The following FHAD1 variants were observed in gnomAD, a reference collection of about 807,000 sequenced individuals.
FHAD1 encodes forkhead associated phosphopeptide binding domain 1, also known as forkhead-associated domain-containing protein 1.
Under a neutral mutation model 191.3 loss-of-function variants are expected in FHAD1, and 146 were observed. The ratio of observed to expected loss-of-function variants is 0.76; its 90% CI spans 0.67 to 0.88. FHAD1 has a LOEUF of 0.88. Ranked by LOEUF, FHAD1 falls within the 40% of genes least tolerant of loss-of-function variation. FHAD1 has a pLI of 0.00. For synonymous variants in FHAD1, 616 were observed against 672.3 expected (o/e 0.92, Z 1.29); for missense variants, 1,635 against 1,785.8 (o/e 0.92, Z 1.52).
intron 26 of FHAD1, among the ~76,000 whole-genome samples, chr1:15,371,431 G>A (rs567240752): frequency 6.6e-6 from 1 of 152,266 alleles, no homozygotes; most frequent in African/African-American, 2.4e-5. Flanking sequence ...TCCTCCTTCG[G>A]GCTCCTTCCT....
At chr1:15,294,639 T>C (rs1666322784) in intron 4 of FHAD1, among the ~76,000 whole-genome samples, 1 of 152,150 alleles carries the variant, frequency 6.6e-6, no homozygotes, top group East Asian at 1.9e-4. Flanking sequence ...GTGATCTGCC[T>C]GCCTCGGCCT....
At chr1:15,267,448 C>T (rs1324869458) in intron 2 of FHAD1, among the ~76,000 whole-genome samples, 1 of 152,076 alleles carries the variant, frequency 6.6e-6, no homozygotes, top group Non-Finnish European at 1.5e-5. Context: ...ATTGGGTATT[C>T]AGGTGATATT....
intron 1 of FHAD1, among the ~76,000 whole-genome samples, chr1:15,240,608 G>A (rs1645230870): frequency 7.1e-6 from 1 of 141,468 alleles, no homozygotes; most frequent in South Asian, 2.3e-4. Flanking sequence ...TCCCAGCCTG[G>A]ACAACAGGAG....
intron 18 of FHAD1, among the ~76,000 whole-genome samples, chr1:15,348,443 C>G (rs574685732): frequency 1.1e-4 from 16 of 152,170 alleles, no homozygotes; most frequent in Non-Finnish European, 1.2e-4. Context: ...AGCTTACCAG[C>G]AAGTAACTTC....
intron 2 of FHAD1, among the ~76,000 whole-genome samples, chr1:15,256,672 AGAG>A (rs1490122954): frequency 1.4e-5 from 2 of 142,442 alleles, no homozygotes; most frequent in African/African-American, 5.1e-5. Flanking sequence ...AAAAAAAAAA[AGAG>A]TGGAGAGCTG....
At chr1:15,253,735 C>T (rs545543242) in intron 2 of FHAD1, among the ~76,000 whole-genome samples, 1 of 152,292 alleles carries the variant, frequency 6.6e-6, no homozygotes, top group South Asian at 2.1e-4. Flanking sequence ...GTTACCATGT[C>T]ATCTGCAAAT....
chr1:15,255,672 T>C (rs944212806), intron 2 of FHAD1, among the ~76,000 whole-genome samples: 1 of 97,486 alleles, frequency 1.0e-5, no homozygotes, highest in Non-Finnish European at 2.3e-5. Context: ...CTGGATGGTT[T>C]CAAGCCTACG....
At position 15,381,185 on chromosome 1, in the gene FHAD1, A is replaced by G. The variant is rs949487740; in HGVS notation, c.3802-46A>G. ...CATTGGCCTCCTTAAAGCGGCCACC[A>G]GCGGCCGCGGGTAATGCCTCTTATG... On this transcript the variant is annotated intron_variant, in intron 29 of 33. Transcript: ENST00000688493. The surrounding 1 kb of genome is among the most constrained non-coding windows in gnomAD (Gnocchi z 4.6). The G allele has an allele frequency of 1.5e-6, 2 of 1,314,500 alleles. No individual in the cohort carries two copies. Among genetic ancestry groups the G allele is most frequent in the African/African-American group, 1.5e-5 (1 of 68,108 alleles). The allele number at this position is 1,314,500 out of a possible 1,614,324, so 81.4% of individuals were successfully genotyped here. A position where few individuals can be genotyped will look rare whatever the true frequency, so the allele number is the denominator to read the frequency against.
At position 15,392,336 on chromosome 1, in the gene FHAD1, T is replaced by C. The variant is rs894282799; in HGVS notation, c.4323+1073T>C. Among the ~76,000 whole-genome samples, 6 of 152,190 alleles carry C rather than the reference T, an allele frequency of 3.9e-5. No homozygotes were observed. In the East Asian group the frequency reaches 1.2e-3, roughly 29 times the overall value. ...TCACGAGGTCAGGAGATCGAGACCATCCTGGCTAACACGGTGAAACCCCGT... is the reference window on the plus strand; with the variant it reads ...TCACGAGGTCAGGAGATCGAGACCACCCTGGCTAACACGGTGAAACCCCGT... On this transcript the variant is annotated intron_variant, in intron 33 of 33. Transcript: ENST00000688493.
intron 2 of FHAD1, among the ~76,000 whole-genome samples, chr1:15,258,269 G>A (rs1250742627): frequency 2.7e-5 from 4 of 147,614 alleles, no homozygotes; most frequent in Non-Finnish European, 5.9e-5. Context: ...GGCAGCCACC[G>A]TCTTTCTGAC....
At chr1:15,395,490 G>T (rs1237140733) in intron 33 of FHAD1, among the ~76,000 whole-genome samples, 1 of 152,118 alleles carries the variant, frequency 6.6e-6, no homozygotes, top group East Asian at 1.9e-4. Flanking sequence ...CAGTCCCCCA[G>T]TTCAAAGGGC....
In FHAD1 at chr1:15,375,645, A is replaced by G. The variant is rs1411722906; in HGVS notation, c.3620A>G (p.Asn1207Ser). The change falls in exon 28 of 34, where the codon AAC becomes AGC. Residue 1207 changes from asparagine (N) to serine (S), a missense_variant. By Grantham distance (46) the Asn-to-Ser change is conservative. Transcript: ENST00000688493. ...HQNESFLDLK[N>S]LRMENNVQKI... ...AATGAATCATTTCTAGATTTAAAGA[A>G]CCTCAGAATGGAAAACAATGTCCAG... is the stretch of plus-strand genomic sequence containing the variant. The G allele has an allele frequency of 4.5e-6, 7 of 1,545,568 alleles. No individual in the cohort carries two copies. The highest frequency in any genetic ancestry group is 1.4e-5 in the African/African-American group (1 of 72,642).
At chr1:15,274,244 A>G (rs1218072286) in intron 3 of FHAD1, among the ~76,000 whole-genome samples, 1 of 152,192 alleles carries the variant, frequency 6.6e-6, no homozygotes, top group African/African-American at 2.4e-5. Context: ...TTTTAATCAC[A>G]TAAGTGTGTC....
At chr1:15,307,146 AT>A in intron 6 of FHAD1, among the ~76,000 whole-genome samples, 1 of 152,170 alleles carries the variant, frequency 6.6e-6, no homozygotes, top group Non-Finnish European at 1.5e-5. Flanking sequence ...TCAAAAGATC[AT>A]TTTGGAGCTT....
intron 5 of FHAD1, among the ~76,000 whole-genome samples, chr1:15,299,199 C>CAAAAAAAAAAAA (rs35299485): frequency 2.2e-5 from 1 of 46,392 alleles, no homozygotes; most frequent in African/African-American, 8.2e-5. Flanking sequence ...GACCCTGTCT[C>CAAAAAAAAAAAA]AAAAAAAAAA....
At chr1:15,305,689 C>T (rs376091290) in intron 6 of FHAD1, 181 of 413,228 alleles carry the variant, frequency 4.4e-4, no homozygotes, top group African/African-American at 2.4e-3. Flanking sequence ...GTGAATAAGT[C>T]TCATGAGATC....
intron 8 of FHAD1, 33 bp downstream of exon 8, chr1:15,313,220 A>C: frequency 6.5e-7 from 1 of 1,547,324 alleles, no homozygotes; most frequent in Non-Finnish European, 8.7e-7. Flanking sequence ...CCTTGTAGCC[A>C]TCCGGTGAAA....
At chr1:15,347,577 G>A (rs1689359252) in intron 18 of FHAD1, among the ~76,000 whole-genome samples, 1 of 152,194 alleles carries the variant, frequency 6.6e-6, no homozygotes, top group Non-Finnish European at 1.5e-5. Flanking sequence ...AGCCTCCCAA[G>A]TAGCTGGGAC....
chr1:15,268,228 G>A (rs767124406), intron 2 of FHAD1, among the ~76,000 whole-genome samples: 59 of 144,928 alleles, frequency 4.1e-4, no homozygotes, highest in Middle Eastern at 7.5e-3. Context: ...TCCCACCTAT[G>A]AGTGAGAATA....
Sources: allele counts gnomAD v4.1 joint callset (sites outside exome capture counted in the v4.1 genomes callset), GRCh38; gene constraint gnomAD v4.1.1; non-coding constraint Gnocchi (gnomAD v3.1); transcripts MANE v1.5; gene names NCBI Gene and HGNC (gene_info 2026-07-23, HGNC 2026-07-21).